Variants in EPHA6 observed in about 807,000 individuals in gnomAD.
The protein encoded by EPHA6 is ephrin type-A receptor 6.
In EPHA6, 50 loss-of-function variants were observed where a neutral mutation model predicts 112.0. The observed-to-expected ratio is 0.45, with a 90% CI of 0.36 to 0.56. The LOEUF (loss-of-function observed/expected upper bound fraction) is 0.56, where lower values mean the gene tolerates loss of function less well. Among genes scored for constraint, EPHA6 ranks in the 20% least tolerant of loss-of-function variants. EPHA6 has a pLI of 0.00. For synonymous variants in EPHA6, 529 were observed against 490.7 expected, an observed-to-expected ratio of 1.08 and a Z score of -1.03; for missense variants, 1,280 against 1,417.4, an observed-to-expected ratio of 0.90 and a Z score of 1.56.
At chr3:97,617,845 C>T (rs935050209) in intron 13 of EPHA6, among the ~76,000 whole-genome samples, 1 of 152,088 alleles carries the variant, frequency 6.6e-6, no homozygotes, top group Non-Finnish European at 1.5e-5. Flanking sequence ...GACTTTAAAA[C>T]CCCACTGTGA....
chr3:97,633,613 C>G (rs1453738299), intron 13 of EPHA6, among the ~76,000 whole-genome samples: 1 of 151,966 alleles, frequency 6.6e-6, no homozygotes, highest in Non-Finnish European at 1.5e-5. Context: ...ATACTCATGT[C>G]CTACTTTAAG....
chr3:97,603,078 GA>G (rs2093655050), intron 12 of EPHA6, among the ~76,000 whole-genome samples: 1 of 151,870 alleles, frequency 6.6e-6, no homozygotes, highest in Non-Finnish European at 1.5e-5. Flanking sequence ...ACAAAATCAA[GA>G]AAGACATTCT....
chr3:97,728,314 C>T (rs1360106758), intron 15 of EPHA6, among the ~76,000 whole-genome samples: 1 of 151,790 alleles, frequency 6.6e-6, no homozygotes, highest in Non-Finnish European at 1.5e-5. Flanking sequence ...TTAAGAACAT[C>T]AGCTTCTTAA....
chr3:97,583,998 G>A (rs753204722), intron 11 of EPHA6, among the ~76,000 whole-genome samples: 9 of 152,066 alleles, frequency 5.9e-5, no homozygotes, highest in Non-Finnish European at 1.2e-4. Flanking sequence ...AGTCTGCCCC[G>A]ATCCCTGAAC....
intron 14 of EPHA6, among the ~76,000 whole-genome samples, chr3:97,641,041 G>C (rs1187912053): frequency 1.3e-5 from 2 of 152,116 alleles, no homozygotes; most frequent in Non-Finnish European, 2.9e-5. Context: ...ATTTAAAGAT[G>C]GCACTAATAT....
intron 1 of EPHA6, among the ~76,000 whole-genome samples, chr3:96,842,939 C>T (rs2034838701): frequency 6.6e-6 from 1 of 152,020 alleles, no homozygotes; most frequent in African/African-American, 2.4e-5. Context: ...CTGCAGTTTT[C>T]AACTCAGTGT....
At chr3:97,143,071 C>T (rs561276327) in intron 3 of EPHA6, among the ~76,000 whole-genome samples, 86 of 151,802 alleles carry the variant, frequency 5.7e-4, no homozygotes, top group Non-Finnish European at 9.9e-4. Flanking sequence ...TGAAAAATGA[C>T]TTCAGTATCA....
At chr3:97,378,633 C>G (rs1356777187) in intron 5 of EPHA6, among the ~76,000 whole-genome samples, 2 of 152,172 alleles carry the variant, frequency 1.3e-5, no homozygotes, top group Non-Finnish European at 2.9e-5. Flanking sequence ...ACCATGGGAA[C>G]CCACCGCTTG....
intron 2 of EPHA6, among the ~76,000 whole-genome samples, chr3:96,963,750 A>G (rs1477038762): frequency 2.0e-5 from 3 of 152,156 alleles, no homozygotes; most frequent in Non-Finnish European, 2.9e-5. Context: ...TTCAGTTGTG[A>G]TCTCTGCTAC....
intron 3 of EPHA6, among the ~76,000 whole-genome samples, chr3:97,175,451 GA>G (rs1192592048): frequency 6.6e-6 from 1 of 151,772 alleles, no homozygotes; most frequent in Non-Finnish European, 1.5e-5. Flanking sequence ...AGTTTGATAG[GA>G]ATTGTGTTAG....
chr3:96,893,804 G>C (rs1418722932), intron 2 of EPHA6, among the ~76,000 whole-genome samples: 1 of 152,166 alleles, frequency 6.6e-6, no homozygotes, highest in East Asian at 1.9e-4. Context: ...GCAAAGGTTT[G>C]ACCTGTCTAT....
At chr3:97,741,890 G>A (rs1411650118) in intron 16 of EPHA6, among the ~76,000 whole-genome samples, 4 of 152,048 alleles carry the variant, frequency 2.6e-5, no homozygotes, top group Non-Finnish European at 5.9e-5. Flanking sequence ...GTCCCAGTAG[G>A]CAAATACTAG....
intron 6 of EPHA6, among the ~76,000 whole-genome samples, chr3:97,440,574 A>G (rs1035932814): frequency 1.3e-5 from 2 of 151,146 alleles, no homozygotes; most frequent in African/African-American, 4.8e-5. Flanking sequence ...CCACATCTCC[A>G]ATCTATTTAT....
At chr3:97,275,409 A>G (rs1156988260) in intron 5 of EPHA6, among the ~76,000 whole-genome samples, 1 of 152,176 alleles carries the variant, frequency 6.6e-6, no homozygotes, top group Non-Finnish European at 1.5e-5. Context: ...TCTAAGTGAA[A>G]GCAAAGAGAG....
At chr3:97,278,487 T>C (rs1394511265) in intron 5 of EPHA6, among the ~76,000 whole-genome samples, 1 of 152,202 alleles carries the variant, frequency 6.6e-6, no homozygotes, top group Non-Finnish European at 1.5e-5. Flanking sequence ...CATCTAGCCA[T>C]AATGTGTCCT....
At chr3:97,029,787 G>C (rs1279202926) in intron 3 of EPHA6, among the ~76,000 whole-genome samples, 1 of 152,004 alleles carries the variant, frequency 6.6e-6, no homozygotes, top group Non-Finnish European at 1.5e-5. Context: ...TAGTTTTGAA[G>C]TAAATAAAGA....
intron 14 of EPHA6, among the ~76,000 whole-genome samples, chr3:97,642,782 G>A (rs1328130572): frequency 6.6e-6 from 1 of 151,522 alleles, no homozygotes; most frequent in East Asian, 2.0e-4. Context: ...AAGAAATATG[G>A]GACTATGTGA....
chr3:96,826,849 A>G (rs531293474), intron 1 of EPHA6, among the ~76,000 whole-genome samples: 27 of 152,184 alleles, frequency 1.8e-4, no homozygotes, highest in Admixed American at 1.6e-3. Context: ...ATTGGTCGGT[A>G]GGCAATTGTG....
intron 12 of EPHA6, among the ~76,000 whole-genome samples, chr3:97,596,283 C>T (rs114133542): frequency 0.015 from 2,329 of 152,150 alleles, 73 homozygotes; most frequent in African/African-American, 0.053. Flanking sequence ...ATTATGTTGT[C>T]AAACAGTATT....
Sources: gnomAD v4.1 joint callset for allele counts (sites outside exome capture counted in the v4.1 genomes callset) on GRCh38, gnomAD v4.1.1 for gene constraint, MANE v1.5 for transcripts, NCBI Gene and HGNC (gene_info 2026-07-23, HGNC 2026-07-21) for gene names.